The following DLG2 variants were observed in gnomAD, a reference collection of about 807,000 sequenced individuals.
DLG2 encodes the protein discs large MAGUK scaffold protein 2.
In DLG2, 45 loss-of-function variants were observed where a neutral mutation model predicts 132.5. The ratio of observed to expected loss-of-function variants is 0.34; its 90% confidence interval spans 0.27 to 0.44. DLG2 has a LOEUF of 0.44. DLG2 is among the 20% of genes least tolerant of loss of function. DLG2 has a pLI of 1.00. For synonymous variants in DLG2, 424 were observed against 419.6 expected (o/e 1.01, Z -0.13); for missense variants, 1,045 against 1,196.9 (o/e 0.87, Z 1.87).
intron 7 of DLG2, among the ~76,000 whole-genome samples, chr11:84,528,017 C>T (rs980312166): frequency 8.6e-5 from 13 of 151,096 alleles, no homozygotes; most frequent in African/African-American, 2.7e-4. Flanking sequence ...ATTTCAGTTT[C>T]GGAATAATAA....
chr11:85,118,608 C>G (rs2073944353), intron 5 of DLG2, among the ~76,000 whole-genome samples: 1 of 151,948 alleles, frequency 6.6e-6, no homozygotes, highest in South Asian at 2.1e-4. Flanking sequence ...GAAGCATTTC[C>G]TAGATGTATG....
At chr11:83,909,369 AT>A in intron 15 of DLG2, among the ~76,000 whole-genome samples, 1 of 152,132 alleles carries the variant, frequency 6.6e-6, no homozygotes, top group East Asian at 1.9e-4. Flanking sequence ...GTTTTTGCAA[AT>A]AGTAATTAAT....
intron 7 of DLG2, among the ~76,000 whole-genome samples, chr11:84,510,670 G>GT (rs1239932253): frequency 4.6e-5 from 7 of 152,052 alleles, no homozygotes; most frequent in African/African-American, 1.7e-4. Flanking sequence ...AATGCTAATT[G>GT]GTTGTGTTAT....
At chr11:84,054,820 G>C (rs1031414823) in intron 11 of DLG2, among the ~76,000 whole-genome samples, 3 of 151,908 alleles carry the variant, frequency 2.0e-5, no homozygotes, top group African/African-American at 7.3e-5. Context: ...AGCATACAAA[G>C]GGATAAATCT....
intron 7 of DLG2, among the ~76,000 whole-genome samples, chr11:84,460,868 G>A (rs1454607228): frequency 1.3e-5 from 2 of 150,774 alleles, no homozygotes; most frequent in African/African-American, 2.4e-5. Context: ...ATCAAGTAAA[G>A]CAGTTTGCCT....
chr11:84,927,872 A>G (rs774218105), intron 6 of DLG2, among the ~76,000 whole-genome samples: 2 of 151,986 alleles, frequency 1.3e-5, no homozygotes, highest in Non-Finnish European at 2.9e-5. Flanking sequence ...GGAATTTGTT[A>G]GAAATAGAAA....
At chr11:84,129,283 G>T (rs532403632) in intron 9 of DLG2, among the ~76,000 whole-genome samples, 18 of 152,132 alleles carry the variant, frequency 1.2e-4, no homozygotes, top group South Asian at 4.2e-4. Context: ...CAGTCCTTCT[G>T]GGGGAGCTTT....
chr11:84,422,821 T>C (rs1412079533), intron 7 of DLG2, among the ~76,000 whole-genome samples: 1 of 152,144 alleles, frequency 6.6e-6, no homozygotes, highest in Non-Finnish European at 1.5e-5. Context: ...TAATTTAGTA[T>C]ACAACTAAAT....
chr11:84,545,338 C>T, intron 6 of DLG2: 1 of 517,828 alleles, frequency 1.9e-6, no homozygotes, highest in South Asian at 1.5e-5. Context: ...TCTAAAACTG[C>T]TTCCATCATT....
At chr11:84,053,495 A>G (rs1437332383) in intron 11 of DLG2, among the ~76,000 whole-genome samples, 1 of 152,010 alleles carries the variant, frequency 6.6e-6, no homozygotes, top group African/African-American at 2.4e-5. Flanking sequence ...ATTAAATACA[A>G]TCTAATCCTT....
At chr11:84,529,427 A>T (rs1024845048) in intron 7 of DLG2, among the ~76,000 whole-genome samples, 3 of 152,186 alleles carry the variant, frequency 2.0e-5, no homozygotes, top group Non-Finnish European at 4.4e-5. Context: ...CCATGATCTG[A>T]TAAACAACTT....
At chr11:84,901,340 C>T (rs2090858387) in intron 6 of DLG2, among the ~76,000 whole-genome samples, 2 of 152,012 alleles carry the variant, frequency 1.3e-5, no homozygotes, top group South Asian at 4.1e-4. Context: ...AAACTGAGAG[C>T]TAGGTCTCCG....
At chr11:85,055,541 C>T (rs912534854) in intron 6 of DLG2, among the ~76,000 whole-genome samples, 4 of 152,068 alleles carry the variant, frequency 2.6e-5, no homozygotes, top group Non-Finnish European at 5.9e-5. Context: ...TTTTGGCAGT[C>T]TCAATGGACT....
chr11:83,906,323 C>T (rs1423436875), intron 15 of DLG2, among the ~76,000 whole-genome samples: 15 of 141,394 alleles, frequency 1.1e-4, no homozygotes, highest in African/African-American at 2.3e-4. Context: ...ACACACACCT[C>T]GGCCTCCCAA....
intron 6 of DLG2, among the ~76,000 whole-genome samples, chr11:84,612,288 A>G (rs2155400): frequency 0.11 from 16,966 of 152,120 alleles, 1,056 homozygotes; most frequent in Admixed American, 0.17. Flanking sequence ...TAGTATTTCA[A>G]TGTATGGAAG....
intron 3 of DLG2, among the ~76,000 whole-genome samples, chr11:85,332,889 C>T (rs1471360940): frequency 6.6e-6 from 1 of 152,142 alleles, no homozygotes; most frequent in African/African-American, 2.4e-5. Context: ...GAGTATGATG[C>T]CTCCAGCTTT....
At chr11:83,797,691 T>C (rs928452043) in intron 17 of DLG2, among the ~76,000 whole-genome samples, 1 of 151,840 alleles carries the variant, frequency 6.6e-6, no homozygotes, top group African/African-American at 2.4e-5. Context: ...GCTAATTTTA[T>C]GTATTTTTAG....
At chr11:85,426,377 C>G (rs375536280) in intron 3 of DLG2, among the ~76,000 whole-genome samples, 2 of 152,188 alleles carry the variant, frequency 1.3e-5, no homozygotes, top group Admixed American at 6.5e-5. Context: ...AGGCACCCCC[C>G]AGTAGGGGCA....
chr11:84,805,616 C>G (rs1420027557), intron 6 of DLG2, among the ~76,000 whole-genome samples: 2 of 152,086 alleles, frequency 1.3e-5, no homozygotes, highest in Admixed American at 1.3e-4. Flanking sequence ...AGCCTCCCCC[C>G]ATCTCTGTCT....
Sources: gnomAD v4.1 joint callset for allele counts (sites outside exome capture counted in the v4.1 genomes callset) on GRCh38, gnomAD v4.1.1 for gene constraint, MANE v1.5 for transcripts, NCBI Gene and HGNC (gene_info 2026-07-23, HGNC 2026-07-21) for gene names.